HIVEP3: variants seen among roughly 807,000 people sequenced by gnomAD.
HIVEP3 encodes the protein transcription factor HIVEP3.
HIVEP3 carries 49 observed loss-of-function variants against 152.8 expected under a neutral mutation model. The observed-to-expected ratio is 0.32, with a 90% CI of 0.26 to 0.41. The LOEUF (loss-of-function observed/expected upper bound fraction) is 0.41, where lower values mean the gene tolerates loss of function less well. Ranked by LOEUF, HIVEP3 falls within the 10% of genes least tolerant of loss-of-function variation. The probability of loss-of-function intolerance (pLI) is 1.00; values close to 1 mark genes in which losing one functional copy is unlikely to be tolerated. For missense variants in HIVEP3, 2,790 were observed against 3,103.3 expected (o/e 0.90, Z 2.40); for synonymous variants, 1,269 against 1,289.0 (o/e 0.98, Z 0.33).
In HIVEP3 at chr1:41,612,938, A is replaced by G. The variant is rs1433753881; in HGVS notation, c.-522+15811T>C. The stretch of plus-strand genomic sequence containing the variant: ...CATGTTTCTTGTTTGCCACACAGAA[A>G]TGGGGCAGTCTCTGCCTCTCATTGT... On this transcript the variant is annotated intron_variant, in intron 3 of 8. Coordinates refer to ENST00000372583, the MANE Select transcript of HIVEP3 (RefSeq NM_024503.5). Among the ~76,000 whole-genome samples, 3 of 152,202 alleles carry G rather than the reference A, an allele frequency of 2.0e-5. No individual in the cohort carries two copies. The East Asian group carries it at 5.8e-4, about 29-fold the overall frequency.
rs1236079489 is a variant in HIVEP3 at position 41,583,300 on chromosome 1, G to T, written c.1498C>A (p.Pro500Thr). The T allele has an allele frequency of 6.2e-7, 1 of 1,612,296 alleles. No individual in the cohort carries two copies. The highest frequency in any genetic ancestry group is 8.5e-7 in the Non-Finnish European group (1 of 1,179,268). The change falls in exon 4 of 9, where the codon CCA (proline) becomes ACA (threonine). Residue 500 changes from proline to threonine, a missense_variant. Coordinates refer to ENST00000372583, the MANE Select transcript of HIVEP3 (RefSeq NM_024503.5). The surrounding 1 kb of genome is among the most constrained non-coding windows in gnomAD (Gnocchi z 6.9). ...SLSRRSSMES[P>T]KSSLYREPLS... ...GGCTCCCGGTAGAGGCTGGATTTTG[G>T]GGACTCCATGCTGCTGCGCCTGGAC... is the stretch of plus-strand genomic sequence containing the variant.
chr1:41,926,254 C>T (rs1009486503), intron 1 of HIVEP3, among the ~76,000 whole-genome samples: 3 of 152,178 alleles, frequency 2.0e-5, no homozygotes, highest in African/African-American at 7.2e-5. Flanking sequence ...ATATTTGCAG[C>T]TACCAAGCCA....
At chr1:41,668,623 T>C (rs992802198) in intron 2 of HIVEP3, among the ~76,000 whole-genome samples, 1 of 152,248 alleles carries the variant, frequency 6.6e-6, no homozygotes, top group Non-Finnish European at 1.5e-5. Flanking sequence ...TGGCATGCCC[T>C]TCCTCCTCCT....
In HIVEP3 at chr1:41,583,823, G is replaced by A; in HGVS notation, c.975C>T (p.Ser325=). 1 of 1,603,710 alleles carries A rather than the reference G, an allele frequency of 6.2e-7. No homozygotes were observed. The highest frequency in any genetic ancestry group is 8.5e-7 in the Non-Finnish European group (1 of 1,174,482). The stretch of plus-strand genomic sequence containing the variant: ...ACTGGGCTGTGCTGGACTGGGACAG[G>A]GAACAGCGTTCGTGGCTGGAACTGT... The part of the protein sequence containing the change: ...GSHSSSHERC[S]LSQSSTAQSL... The change falls in exon 4 of 9, where the codon TCC becomes TCT. Residue 325 remains serine, a synonymous_variant. Coordinates refer to ENST00000372583, the MANE Select transcript of HIVEP3 (RefSeq NM_024503.5). This position sits in a 1 kb window ranked among gnomAD's most constrained non-coding sequence, Gnocchi z 6.9.
intron 1 of HIVEP3, among the ~76,000 whole-genome samples, chr1:42,017,116 C>T (rs1645527405): frequency 6.6e-6 from 1 of 151,890 alleles, no homozygotes; most frequent in Admixed American, 6.6e-5. Context: ...ATATTTTCCT[C>T]ATGTTGATAT....
At chr1:41,675,829 C>A (rs1001927875) in intron 2 of HIVEP3, among the ~76,000 whole-genome samples, 1 of 152,122 alleles carries the variant, frequency 6.6e-6, no homozygotes, top group Admixed American at 6.5e-5. Flanking sequence ...GGTGGGTGAG[C>A]CCATGGGAAG....
chr1:41,567,079 C>A (rs1235217060), intron 5 of HIVEP3, among the ~76,000 whole-genome samples: 1 of 152,172 alleles, frequency 6.6e-6, no homozygotes, highest in Non-Finnish European at 1.5e-5. Flanking sequence ...TCAAAAGTCA[C>A]ATGTCCAACA....
At chr1:42,027,844 C>T (rs1331241910) in intron 1 of HIVEP3, among the ~76,000 whole-genome samples, 1 of 152,162 alleles carries the variant, frequency 6.6e-6, no homozygotes, top group Admixed American at 6.5e-5. Flanking sequence ...TCATGAGACT[C>T]ACTATCACGA....
At chr1:41,530,554 C>T (rs964253214) in intron 5 of HIVEP3, among the ~76,000 whole-genome samples, 2 of 152,132 alleles carry the variant, frequency 1.3e-5, no homozygotes, top group African/African-American at 2.4e-5. Flanking sequence ...CTGGAAGCCC[C>T]GCAACCTCCT....
At chr1:41,613,910 G>A (rs1375348562) in intron 3 of HIVEP3, among the ~76,000 whole-genome samples, 2 of 152,136 alleles carry the variant, frequency 1.3e-5, no homozygotes, top group Non-Finnish European at 1.5e-5. Context: ...GGAATCACCC[G>A]CCATATGTCC....
At chr1:41,549,759 A>G (rs1643876040) in intron 5 of HIVEP3, among the ~76,000 whole-genome samples, 1 of 152,146 alleles carries the variant, frequency 6.6e-6, no homozygotes. Context: ...AGTTCTTTGT[A>G]GATTCTGGAT....
At chr1:41,628,979 G>T in intron 2 of HIVEP3, 32 bp from the exon 3 acceptor site, 2 of 1,227,272 alleles carry the variant, frequency 1.6e-6, no homozygotes, top group Non-Finnish European at 1.0e-6. Context: ...CATGGTCAAA[G>T]AACTTTCTTG....
chr1:41,797,556 G>C (rs1285720334), intron 1 of HIVEP3, among the ~76,000 whole-genome samples: 7 of 152,064 alleles, frequency 4.6e-5, no homozygotes, highest in African/African-American at 1.7e-4. Context: ...GAAATATTTT[G>C]TACTTCTAGA....
At chr1:41,953,345 G>A (rs1645121165) in intron 1 of HIVEP3, among the ~76,000 whole-genome samples, 1 of 152,012 alleles carries the variant, frequency 6.6e-6, no homozygotes, top group African/African-American at 2.4e-5. Flanking sequence ...TGTGACCTTG[G>A]GCCAATTACT....
intron 1 of HIVEP3, among the ~76,000 whole-genome samples, chr1:41,714,076 C>T (rs1294865515): frequency 6.6e-6 from 1 of 152,144 alleles, no homozygotes; most frequent in East Asian, 1.9e-4. Context: ...TACAGGGGCC[C>T]GGGTTCTCAA....
chr1:41,619,402 T>A (rs1558120831), intron 3 of HIVEP3, among the ~76,000 whole-genome samples: 1 of 152,238 alleles, frequency 6.6e-6, no homozygotes, highest in African/African-American at 2.4e-5. Context: ...TTATTTTACA[T>A]ACACTTATGT....
intron 3 of HIVEP3, among the ~76,000 whole-genome samples, chr1:41,592,810 T>C (rs1364245912): frequency 2.0e-5 from 3 of 152,246 alleles, no homozygotes; most frequent in East Asian, 3.8e-4. Context: ...TCCCACAGCA[T>C]TGACCTACCA....
At chr1:41,831,192 T>C (rs746075567) in intron 1 of HIVEP3, among the ~76,000 whole-genome samples, 24 of 152,266 alleles carry the variant, frequency 1.6e-4, no homozygotes, top group South Asian at 4.2e-4. Flanking sequence ...GAAATATTTA[T>C]TGAATGAATG....
intron 1 of HIVEP3, chr1:41,847,702 G>C (rs1643481507): frequency 6.6e-6 from 1 of 152,292 alleles, no homozygotes; most frequent in Admixed American, 6.5e-5. Context: ...CTGAGCTGAG[G>C]CTGGCCTCCT....
Sources: gnomAD v4.1 joint callset for allele counts (sites outside exome capture counted in the v4.1 genomes callset) on GRCh38, gnomAD v4.1.1 for gene constraint, Gnocchi (gnomAD v3.1) non-coding constraint, MANE v1.5 for transcripts, NCBI Gene and HGNC (gene_info 2026-07-23, HGNC 2026-07-21) for gene names.